Variants in CTNNA2 observed in about 807,000 individuals in gnomAD.
The protein encoded by CTNNA2 is catenin alpha 2.
In CTNNA2, 42 loss-of-function variants were observed where a neutral mutation model predicts 101.0. The ratio of observed to expected loss-of-function variants is 0.42; its 90% confidence interval spans 0.32 to 0.54. CTNNA2 has a LOEUF of 0.54. Among genes scored for constraint, CTNNA2 ranks in the 20% least tolerant of loss-of-function variants. CTNNA2 has a pLI of 0.14. For synonymous variants in CTNNA2, 450 were observed against 456.4 expected (o/e 0.99, Z 0.18); for missense variants, 871 against 1,223.1 (o/e 0.71, Z 4.29).
intron 1 of CTNNA2, among the ~76,000 whole-genome samples, chr2:79,602,049 C>G: frequency 7.0e-6 from 1 of 142,524 alleles, no homozygotes; most frequent in South Asian, 2.1e-4. Flanking sequence ...AATTGAAAAA[C>G]AGTTCTGTGG....
At chr2:79,446,291 A>G (rs1416480855) in intron 4 of CTNNA2, among the ~76,000 whole-genome samples, 2 of 151,988 alleles carry the variant, frequency 1.3e-5, no homozygotes, top group African/African-American at 4.8e-5. Flanking sequence ...CCTACATTGA[A>G]GGTTGGAAAA....
At chr2:80,253,267 G>A (rs1054485225) in intron 7 of CTNNA2, among the ~76,000 whole-genome samples, 10 of 152,142 alleles carry the variant, frequency 6.6e-5, no homozygotes, top group African/African-American at 2.4e-4. Context: ...GAATCAGTTT[G>A]CACTATATGA....
chr2:79,829,916 T>A (rs1678798024), intron 3 of CTNNA2, among the ~76,000 whole-genome samples: 1 of 151,678 alleles, frequency 6.6e-6, no homozygotes, highest in Non-Finnish European at 1.5e-5. Flanking sequence ...AGAGATGGGG[T>A]TTCAAACATG....
chr2:79,261,999 G>A (rs931279277), intron 2 of CTNNA2, among the ~76,000 whole-genome samples: 2 of 152,104 alleles, frequency 1.3e-5, no homozygotes, highest in African/African-American at 4.8e-5. Context: ...TCTGGTTCAC[G>A]CCTTCTAGAC....
intron 7 of CTNNA2, among the ~76,000 whole-genome samples, chr2:80,040,919 A>T (rs1240324805): frequency 1.3e-5 from 2 of 152,230 alleles, no homozygotes; most frequent in African/African-American, 4.8e-5. Flanking sequence ...TATGTTGATG[A>T]TAATAAATAA....
At chr2:79,385,463 A>T (rs761021484) in intron 4 of CTNNA2, among the ~76,000 whole-genome samples, 4 of 152,164 alleles carry the variant, frequency 2.6e-5, no homozygotes, top group Non-Finnish European at 5.9e-5. Flanking sequence ...ATGCACATAT[A>T]TATGCAGCTA....
intron 7 of CTNNA2, among the ~76,000 whole-genome samples, chr2:79,916,231 CCCATA>C (rs1253327511): frequency 1.3e-5 from 2 of 152,116 alleles, no homozygotes; most frequent in Non-Finnish European, 2.9e-5. Context: ...TCGAATGTTG[CCCATA>C]CCTTTGCCTA....
intron 3 of CTNNA2, among the ~76,000 whole-genome samples, chr2:79,811,934 G>A (rs1042234124): frequency 3.3e-5 from 5 of 152,050 alleles, no homozygotes; most frequent in African/African-American, 1.2e-4. Context: ...TACAGATCTT[G>A]TGTGTATTTC....
intron 4 of CTNNA2, among the ~76,000 whole-genome samples, chr2:79,382,669 A>G (rs915870778): frequency 2.6e-5 from 4 of 152,148 alleles, no homozygotes; most frequent in African/African-American, 9.7e-5. Flanking sequence ...GCTGGAGTGC[A>G]GTGGCACAAT....
At chr2:79,511,782 G>C (rs1671549370), upstream of CTNNA2, among the ~76,000 whole-genome samples, 1 of 152,042 alleles carries the variant, frequency 6.6e-6, no homozygotes, top group Non-Finnish European at 1.5e-5. Context: ...GGAAGCAAAA[G>C]GGGGGAGGGA....
intron 5 of CTNNA2, among the ~76,000 whole-genome samples, chr2:79,507,469 G>A (rs987321599): frequency 5.9e-5 from 9 of 152,128 alleles, no homozygotes; most frequent in Admixed American, 4.6e-4. Context: ...CTCGGTTGCT[G>A]TCTCTTGCCT....
chr2:79,249,835 TCTC>T (rs747756709), intron 2 of CTNNA2, among the ~76,000 whole-genome samples: 1 of 152,146 alleles, frequency 6.6e-6, no homozygotes, highest in Non-Finnish European at 1.5e-5. Flanking sequence ...ACATTCACCT[TCTC>T]CTAATAGTAT....
chr2:80,572,108 C>T (rs1694651881), intron 12 of CTNNA2, among the ~76,000 whole-genome samples: 2 of 152,036 alleles, frequency 1.3e-5, no homozygotes, highest in Non-Finnish European at 2.9e-5. Flanking sequence ...GATGTGTAAC[C>T]ATTGTTCTCC....
chr2:80,228,153 A>G (rs1363661370), intron 7 of CTNNA2, among the ~76,000 whole-genome samples: 2 of 152,188 alleles, frequency 1.3e-5, no homozygotes, highest in Non-Finnish European at 2.9e-5. Flanking sequence ...TGTTGTCAGT[A>G]AGACTGGCCA....
chr2:79,844,561 T>C (rs1243967458), intron 3 of CTNNA2, among the ~76,000 whole-genome samples: 1 of 152,200 alleles, frequency 6.6e-6, no homozygotes, highest in African/African-American at 2.4e-5. Flanking sequence ...CTTCATTCTT[T>C]CGTTTATTAC....
At position 80,303,384 on chromosome 2, in the gene CTNNA2, A is replaced by C; in HGVS notation, c.1057-89827A>C. On this transcript the variant is annotated intron_variant, in intron 7 of 18. Transcript: ENST00000402739. The surrounding 1 kb of genome is among the most constrained non-coding windows in gnomAD (Gnocchi z 7.7). ...GGCGCGAGCGCCTGCAGCTTGTTGT[A>C]CGAGAGGTCCACGCTGCGCAGGTTG... 1 of 1,614,124 alleles carries C rather than the reference A, an allele frequency of 6.2e-7. No individual in the cohort carries two copies. The highest frequency in any genetic ancestry group is 8.5e-7 in the Non-Finnish European group (1 of 1,180,028).
intron 7 of CTNNA2, among the ~76,000 whole-genome samples, chr2:80,128,457 GAAC>G (rs1702250983): frequency 6.6e-6 from 1 of 152,100 alleles, no homozygotes; most frequent in Admixed American, 6.6e-5. Flanking sequence ...GCTTTCCAAA[GAAC>G]AACATCAGAA....
chr2:79,607,986 T>A, intron 1 of CTNNA2, among the ~76,000 whole-genome samples: 1 of 152,096 alleles, frequency 6.6e-6, no homozygotes, highest in South Asian at 2.1e-4. Flanking sequence ...TTGTTTTTTT[T>A]TAATTAAATC....
chr2:80,345,987 A>G (rs1672698781), intron 7 of CTNNA2, among the ~76,000 whole-genome samples: 1 of 152,194 alleles, frequency 6.6e-6, no homozygotes. Flanking sequence ...TAAGGAGAAA[A>G]TAATTTTCCA....
Sources: gnomAD v4.1 joint callset for allele counts (sites outside exome capture counted in the v4.1 genomes callset) on GRCh38, gnomAD v4.1.1 for gene constraint, Gnocchi (gnomAD v3.1) non-coding constraint, MANE v1.5 for transcripts, NCBI Gene and HGNC (gene_info 2026-07-23, HGNC 2026-07-21) for gene names.